Variants in ELP4 observed in about 807,000 individuals in gnomAD.
ELP4 encodes the protein elongator acetyltransferase complex subunit 4.
Under a neutral mutation model 48.9 loss-of-function variants are expected in ELP4, and 51 were observed. The observed-to-expected ratio is 1.04, with a 90% CI of 0.83 to 1.32. The LOEUF (loss-of-function observed/expected upper bound fraction) is 1.32, where lower values mean the gene tolerates loss of function less well. Ranked by LOEUF, ELP4 falls within the 40% of genes most tolerant of loss-of-function variation. The probability of loss-of-function intolerance (pLI) is 0.00; values close to 1 mark genes in which losing one functional copy is unlikely to be tolerated. For synonymous variants in ELP4, 210 were observed against 189.2 expected (o/e 1.11, Z -0.90); for missense variants, 519 against 514.6 (o/e 1.01, Z -0.08).
intron 9 of ELP4, among the ~76,000 whole-genome samples, chr11:31,712,431 T>C (rs1946761764): frequency 6.6e-6 from 1 of 152,094 alleles, no homozygotes; most frequent in Admixed American, 6.5e-5. Context: ...CAACCAGGTT[T>C]CACCAGGTAA....
chr11:31,568,115 A>T (rs1957142475), intron 3 of ELP4, among the ~76,000 whole-genome samples: 1 of 152,240 alleles, frequency 6.6e-6, no homozygotes. Context: ...AAGTTTCAAG[A>T]TACAAAATCA....
chr11:31,678,874 G>A (rs1322491107), intron 9 of ELP4, among the ~76,000 whole-genome samples: 1 of 152,096 alleles, frequency 6.6e-6, no homozygotes, highest in Non-Finnish European at 1.5e-5. Context: ...ATTCCCACCA[G>A]CAATGAATGA....
rs967464597 is a variant in ELP4 at position 31,549,269 on chromosome 11, T to A, written c.381+9486T>A. Among the ~76,000 whole-genome samples the A allele has an allele frequency of 5.3e-5, 8 of 151,496 alleles. No homozygotes were observed. The Middle Eastern group carries it at 0.01, about 193-fold the overall frequency. ...AAGGGCTAATATCCAGAATCTACAATGAACTCAAACAAATTTACAAGAAAA... is the reference window on the plus strand; with the variant it reads ...AAGGGCTAATATCCAGAATCTACAAAGAACTCAAACAAATTTACAAGAAAA... On this transcript the variant is annotated intron_variant, in intron 3 of 9. Transcript: ENST00000640961.
intron 3 of ELP4, among the ~76,000 whole-genome samples, chr11:31,554,870 A>G (rs1956904615): frequency 6.6e-6 from 1 of 152,202 alleles, no homozygotes; most frequent in Non-Finnish European, 1.5e-5. Context: ...TATTGCTGAG[A>G]CAAAAACCAA....
chr11:31,776,201 C>T (rs978600987), intron 9 of ELP4, among the ~76,000 whole-genome samples: 1 of 151,186 alleles, frequency 6.6e-6, no homozygotes, highest in Admixed American at 6.6e-5. Flanking sequence ...AAGCACATCT[C>T]CCTTAGCCCT....
At chr11:31,571,065 TG>T (rs1009096381) in intron 3 of ELP4, among the ~76,000 whole-genome samples, 41 of 152,172 alleles carry the variant, frequency 2.7e-4, no homozygotes, top group African/African-American at 9.2e-4. Flanking sequence ...CCCAAAGTGC[TG>T]GGATTTCAGG....
Position 31,680,634 on chromosome 11 carries a change from C to T in ELP4, c.1143+30413C>T, listed in dbSNP as rs189086966. ...GTTTCATACATATCATTTGAAGTAA[C>T]GGTTTGACAATTAAAATATGTTTAA... On this transcript the variant is annotated intron_variant, in intron 9 of 9. Transcript: ENST00000640961. 2.0e-3 allele frequency among the ~76,000 whole-genome samples: 308 copies of T among 152,208 alleles called. 1 individual carries two copies. Among genetic ancestry groups the T allele is most frequent in the African/African-American group, 7.0e-3 (290 of 41,522 alleles).
chr11:31,694,473 T>C (rs182840955), intron 9 of ELP4, among the ~76,000 whole-genome samples: 1,796 of 151,966 alleles, frequency 0.012, 35 homozygotes, highest in African/African-American at 0.042. Flanking sequence ...AGATAGTTGT[T>C]GATGTGTGGT....
intron 9 of ELP4, among the ~76,000 whole-genome samples, chr11:31,696,971 C>G (rs972248938): frequency 6.6e-6 from 1 of 151,838 alleles, no homozygotes; most frequent in Non-Finnish European, 1.5e-5. Context: ...GGAAGATCTA[C>G]CAAGCAAATG....
chr11:31,658,001 G>A (rs1039012785), intron 9 of ELP4, among the ~76,000 whole-genome samples: 4 of 151,992 alleles, frequency 2.6e-5, no homozygotes, highest in Non-Finnish European at 4.4e-5. Context: ...AGTTTGGAGA[G>A]ATCAAGCAAC....
chr11:31,728,170 G>A (rs1449143266), intron 9 of ELP4, among the ~76,000 whole-genome samples: 2 of 152,150 alleles, frequency 1.3e-5, no homozygotes, highest in Non-Finnish European at 2.9e-5. Context: ...CTAGGTTGAA[G>A]AATACGTAAT....
chr11:31,749,114 G>T (rs1004857637), intron 9 of ELP4, among the ~76,000 whole-genome samples: 7 of 152,170 alleles, frequency 4.6e-5, no homozygotes, highest in African/African-American at 1.4e-4. Context: ...CTGAGATGGG[G>T]ATGACTTATG....
intron 2 of ELP4, among the ~76,000 whole-genome samples, chr11:31,526,697 C>G (rs1956300362): frequency 6.6e-6 from 1 of 151,986 alleles, no homozygotes; most frequent in Non-Finnish European, 1.5e-5. Flanking sequence ...TGTGCCTTCT[C>G]CTATTTGAGA....
At chr11:31,606,638 T>C (rs1957881428) in intron 5 of ELP4, among the ~76,000 whole-genome samples, 1 of 152,180 alleles carries the variant, frequency 6.6e-6, no homozygotes, top group African/African-American at 2.4e-5. Flanking sequence ...ATTATCAAGA[T>C]AGTTTTGTTT....
At chr11:31,722,679 C>G (rs1001411081) in intron 9 of ELP4, among the ~76,000 whole-genome samples, 1 of 133,836 alleles carries the variant, frequency 7.5e-6, no homozygotes, top group African/African-American at 3.2e-5. Context: ...CTCTCTCTCT[C>G]TCTCTCTCTC....
At chr11:31,632,186 A>C (rs772324824) in intron 6 of ELP4, 31 bp from the exon 7 acceptor site, 1 of 1,567,994 alleles carries the variant, frequency 6.4e-7, no homozygotes. Context: ...ACAAAACTTT[A>C]TATGTTTGCT....
At chr11:31,713,697 G>A (rs2134175104) in intron 9 of ELP4, among the ~76,000 whole-genome samples, 1 of 152,234 alleles carries the variant, frequency 6.6e-6, no homozygotes, top group Non-Finnish European at 1.5e-5. Context: ...GAGAAACCTA[G>A]ACACTGAAAG....
intron 9 of ELP4, among the ~76,000 whole-genome samples, chr11:31,678,495 A>ATGTGTGTGTG (rs71060498): frequency 1.1e-4 from 15 of 137,514 alleles, no homozygotes; most frequent in African/African-American, 4.3e-4. Flanking sequence ...ACATATATGT[A>ATGTGTGTGTG]TGTGTGTGTG....
In ELP4 at chr11:31,783,585, G is replaced by T; in HGVS notation, c.*61G>T. On this transcript the variant is annotated 3_prime_UTR_variant, in exon 10 of 10. Transcript: ENST00000640961. ...GACACTCTAATTATGATTGCTAATAGCTTATGTAAATATTTTTCTTAACAA... is the reference window on the plus strand; with the variant it reads ...GACACTCTAATTATGATTGCTAATATCTTATGTAAATATTTTTCTTAACAA... The T allele has an allele frequency of 6.7e-7, 1 of 1,484,048 alleles. No homozygotes were observed. Among genetic ancestry groups the T allele is most frequent in the Non-Finnish European group, 9.2e-7 (1 of 1,091,268 alleles). 91.9% of individuals were successfully genotyped at this position (1,484,048 alleles called of 1,614,324 possible).
Sources: allele counts gnomAD v4.1 joint callset (sites outside exome capture counted in the v4.1 genomes callset), GRCh38; gene constraint gnomAD v4.1.1; transcripts MANE v1.5; gene names NCBI Gene and HGNC (gene_info 2026-07-23, HGNC 2026-07-21).